The following SDF4 variants were observed in gnomAD, a reference collection of about 807,000 sequenced individuals.
SDF4 encodes the protein 45 kDa calcium-binding protein.
SDF4 carries 22 observed loss-of-function variants against 34.2 expected under a neutral mutation model. The observed-to-expected ratio is 0.64, with a 90% CI of 0.46 to 0.92. The LOEUF (loss-of-function observed/expected upper bound fraction) is 0.92, where lower values mean the gene tolerates loss of function less well. SDF4 is among the 40% of genes least tolerant of loss of function. The pLI, the probability that SDF4 is intolerant of heterozygous loss-of-function variation, is 0.00. For synonymous variants in SDF4, 236 were observed against 203.1 expected (o/e 1.16, Z -1.38); for missense variants, 447 against 499.9 (o/e 0.89, Z 1.01).
At chr1:1,225,040 C>A (rs191550415) in intron 2 of SDF4, among the ~76,000 whole-genome samples, 279 of 152,346 alleles carry the variant, frequency 1.8e-3, no homozygotes, top group African/African-American at 6.5e-3. Context: ...GGGACACAGA[C>A]TGGGGACACG....
chr1:1,228,677 G>T lies in SDF4; in HGVS notation c.96C>A (p.Ala32=). ...VLLMDASARP[A]NHSSTRERVA... ...CTCTCTCTCGAGTGGACGAGTGGTT[G>T]GCAGGCCGTGCAGACGCGTCCATCA... The change falls in exon 2 of 7, where the codon GCC becomes GCA. Residue 32 remains alanine (A), a synonymous_variant. Transcript: ENST00000360001. 1.9e-6 allele frequency: 3 copies of T among 1,613,046 alleles called. No homozygotes were observed. Among genetic ancestry groups the T allele is most frequent in the Non-Finnish European group, 2.5e-6 (3 of 1,180,022 alleles).
chr1:1,219,324 G>A (rs1264479937), intron 4 of SDF4: 1 of 1,140,150 alleles, frequency 8.8e-7, no homozygotes, highest in Non-Finnish European at 1.1e-6. Flanking sequence ...ACATGATCCA[G>A]AACCTCCCCA....
At chr1:1,229,035 T>C in intron 1 of SDF4, 89 bp from the exon 2 acceptor site, 1 of 547,764 alleles carries the variant, frequency 1.8e-6, no homozygotes. Flanking sequence ...ATATCCTCGA[T>C]TCACAGGATC....
In SDF4 at chr1:1,228,744, C is replaced by T; in HGVS notation, c.29G>A (p.Gly10Asp). ...GAGCCAGAGGCAGCACGGAGCCAGG[C>T]CAATGAGGGGACCCCACCTGGACGC... MASRWGPLI[G>D]LAPCCLWLLG... Residue 10 changes from glycine (G) to aspartate (D), a missense_variant, in exon 2 of 7, where the codon GGC (glycine) becomes GAC (aspartate). Coordinates refer to ENST00000360001, the MANE Select transcript of SDF4 (RefSeq NM_016176.6). 1 of 1,612,000 alleles carries T rather than the reference C, an allele frequency of 6.2e-7. No homozygotes were observed. Among genetic ancestry groups the T allele is most frequent in the Non-Finnish European group, 8.5e-7 (1 of 1,179,850 alleles).
rs955568515 is a variant in SDF4 at position 1,218,183 on chromosome 1, G to A, written c.891+275C>T. Among the ~76,000 whole-genome samples, 3 of 152,182 alleles carry A rather than the reference G, an allele frequency of 2.0e-5. No homozygotes were observed. The highest frequency in any genetic ancestry group is 4.4e-5 in the Non-Finnish European group (3 of 68,028). On this transcript the variant is annotated intron_variant, in intron 6 of 6. Transcript: ENST00000360001. The surrounding 1 kb of genome is among the most constrained non-coding windows in gnomAD (Gnocchi z 7.9). ...AGCATGAGCTTCCCCTTGTGGTCCC[G>A]TTAAAAAGGGGCTGTGAGAACCCTG...
chr1:1,219,291 C>T, intron 4 of SDF4: 1 of 1,179,516 alleles, frequency 8.5e-7, no homozygotes, highest in Non-Finnish European at 1.1e-6. Context: ...CCTGGACCCC[C>T]CACACAGCCC....
rs376950140 is a variant in SDF4 at position 1,217,845 on chromosome 1, A to G, written c.892-157T>C. 1.2e-3 allele frequency: 1,860 copies of G among 1,514,054 alleles called. 5 individuals carry two copies. The highest frequency in any genetic ancestry group is 1.5e-3 in the Non-Finnish European group (1,749 of 1,137,494). The allele number at this position is 1,514,054 out of a possible 1,614,324, so 93.8% of individuals were successfully genotyped here. ...AGGGAGGCGGCACAAATGAAAACAC[A>G]GGGCAGGGAGAAGCCGGGGGCCCCG... On this transcript the variant is annotated intron_variant, in intron 6 of 6. Transcript: ENST00000360001. The surrounding 1 kb of genome is among the most constrained non-coding windows in gnomAD (Gnocchi z 8.5).
chr1:1,223,309 C>G lies in SDF4; in HGVS notation c.491G>C (p.Gly164Ala). The change falls in exon 4 of 7, where the codon GGC becomes GCC. Residue 164 changes from glycine (G) to alanine (A), a missense_variant. By Grantham distance (60) the Gly-to-Ala change is moderately conservative. Transcript: ENST00000360001. Reference protein sequence around the residue: ...EYKVKFLASKGHSEKEVADAI... With the variant: ...EYKVKFLASKAHSEKEVADAI... ...GTCGGCAACCTCCTTCTCGCTATGGCCTTTACTCGCCAAAAACTTCACCTT... is the reference window on the plus strand; with the variant it reads ...GTCGGCAACCTCCTTCTCGCTATGGGCTTTACTCGCCAAAAACTTCACCTT... 1 of 1,614,040 alleles carries G rather than the reference C, an allele frequency of 6.2e-7. No individual in the cohort carries two copies. The highest frequency in any genetic ancestry group is 8.5e-7 in the Non-Finnish European group (1 of 1,179,968).
intron 4 of SDF4, chr1:1,220,401 C>T (rs563635836): frequency 6.3e-4 from 732 of 1,167,474 alleles, no homozygotes; most frequent in South Asian, 7.3e-4. Flanking sequence ...CCCGGACTCA[C>T]GCGGTGACCC....
In SDF4 at chr1:1,220,303, G is replaced by A. The variant is rs899521669; in HGVS notation, c.557-1376C>T. 465 of 1,091,290 alleles carry A rather than the reference G, an allele frequency of 4.3e-4. 2 individuals are homozygous for A. Among genetic ancestry groups the A allele is most frequent in the Non-Finnish European group, 3.2e-4 (286 of 890,970 alleles). 67.6% of individuals were successfully genotyped at this position (1,091,290 alleles called of 1,614,324 possible). ...GGACGCAGACCCAGAGAGAGGCAGC[G>A]ATGGAGGCGGGGGAAGGGAGTGATG... is the stretch of plus-strand genomic sequence containing the variant. On this transcript the variant is annotated intron_variant, in intron 4 of 6. Transcript: ENST00000360001.
rs1390011061 is a variant in SDF4, at chr1:1,220,860, T to TA, written c.557-1934dup. The TA allele has an allele frequency of 8.1e-6, 7 of 865,762 alleles. No individual in the cohort carries two copies. In the African/African-American group the frequency reaches 1.1e-4, roughly 13 times the overall value. The allele number at this position is 865,762 out of a possible 1,614,324, so 53.6% of individuals were successfully genotyped here. On this transcript the variant is annotated intron_variant, in intron 4 of 6. Transcript: ENST00000360001. ...CAGGCCGGACCAACGGGATGAAGCT[T>TA]AAAGACGCAGTCAGGACAGCAGGGA...
rs1253384605 is a variant in SDF4 at position 1,217,961 on chromosome 1, G to A, written c.892-273C>T. 6.6e-6 allele frequency among the ~76,000 whole-genome samples: 1 copy of A among 152,216 alleles called. No homozygotes were observed. Among genetic ancestry groups the A allele is most frequent in the African/African-American group, 2.4e-5 (1 of 41,466 alleles). The stretch of plus-strand genomic sequence containing the variant: ...CTGAAGGATCCCTAACCTGGGCCGG[G>A]CCCACTGGCTGTCGCCAGGAATCAC... On this transcript the variant is annotated intron_variant, in intron 6 of 6. Coordinates refer to ENST00000360001, the MANE Select transcript of SDF4 (RefSeq NM_016176.6). The surrounding 1 kb of genome is among the most constrained non-coding windows in gnomAD (Gnocchi z 8.5).
At chr1:1,222,527 C>T (rs1361536619) in intron 4 of SDF4, among the ~76,000 whole-genome samples, 2 of 152,248 alleles carry the variant, frequency 1.3e-5, no homozygotes, top group Non-Finnish European at 2.9e-5. Flanking sequence ...CTGACGGCCA[C>T]ACAGATGTCT....
intron 1 of SDF4, among the ~76,000 whole-genome samples, chr1:1,230,212 C>T (rs1268192241): frequency 6.6e-6 from 1 of 152,262 alleles, no homozygotes; most frequent in African/African-American, 2.4e-5. Flanking sequence ...GACTGAGACT[C>T]CTGTTCTGTG....
chr1:1,221,623 G>A (rs986447662), intron 4 of SDF4, among the ~76,000 whole-genome samples: 1 of 152,138 alleles, frequency 6.6e-6, no homozygotes, highest in Admixed American at 6.5e-5. Flanking sequence ...GGGCAACAGT[G>A]AGGCCCTCAC....
intron 4 of SDF4, chr1:1,220,418 G>A (rs892985148): frequency 2.2e-5 from 26 of 1,176,262 alleles, no homozygotes; most frequent in Non-Finnish European, 2.7e-5. Flanking sequence ...ACCCTCGCAG[G>A]AGCCATGCAG....
At chr1:1,220,296 A>G in intron 4 of SDF4, 1 of 1,090,826 alleles carries the variant, frequency 9.2e-7, no homozygotes, top group Non-Finnish European at 1.1e-6. Context: ...ACCCAGAGAG[A>G]GGCAGCGATG....
At chr1:1,220,604 G>A (rs991046409) in intron 4 of SDF4, 5 of 1,288,594 alleles carry the variant, frequency 3.9e-6, no homozygotes, top group Non-Finnish European at 5.1e-6. Flanking sequence ...GCAGGGAACA[G>A]CACCTCAGCA....
At chr1:1,220,237 TG>T (rs2100970355) in intron 4 of SDF4, 1 of 1,022,636 alleles carries the variant, frequency 9.8e-7, no homozygotes, top group East Asian at 9.6e-5. Context: ...GAGACCCTCC[TG>T]GATCAGGGAG....
Sources: allele counts gnomAD v4.1 joint callset (sites outside exome capture counted in the v4.1 genomes callset), GRCh38; gene constraint gnomAD v4.1.1; non-coding constraint Gnocchi (gnomAD v3.1); transcripts MANE v1.5; gene names NCBI Gene and HGNC (gene_info 2026-07-23, HGNC 2026-07-21).